PAM: variants seen among roughly 807,000 people sequenced by gnomAD.
PAM encodes the protein peptidylglycine alpha-amidating monooxygenase.
PAM carries 72 observed loss-of-function variants against 122.1 expected under a neutral mutation model. The ratio of observed to expected loss-of-function variants is 0.59; its 90% confidence interval spans 0.49 to 0.72. PAM has a LOEUF of 0.72. Among genes scored for constraint, PAM ranks in the 30% least tolerant of loss-of-function variants. The pLI is 0.00. For synonymous variants in PAM, 389 were observed against 404.4 expected (o/e 0.96, Z 0.46); for missense variants, 1,106 against 1,183.7 (o/e 0.93, Z 0.96).
intron 22 of PAM, 110 bp from the exon 23 acceptor site, chr5:103,019,680 G>C: frequency 1.4e-6 from 1 of 727,206 alleles, no homozygotes; most frequent in Non-Finnish European, 2.5e-6. Flanking sequence ...TAATGCATTT[G>C]ATGAATTAAG....
At chr5:102,785,769 T>C (rs1404103408) in intron 1 of PAM, among the ~76,000 whole-genome samples, 1 of 152,186 alleles carries the variant, frequency 6.6e-6, no homozygotes, top group East Asian at 1.9e-4. Flanking sequence ...TAGTAAGAGA[T>C]GTTTTTGTCT....
intron 1 of PAM, among the ~76,000 whole-genome samples, chr5:102,859,536 TAA>T (rs1456368729): frequency 6.6e-6 from 1 of 152,180 alleles, no homozygotes; most frequent in East Asian, 1.9e-4. Flanking sequence ...AAACAATTTT[TAA>T]AAGTTTATGA....
At chr5:102,777,457 A>T (rs1428547248) in intron 1 of PAM, among the ~76,000 whole-genome samples, 1 of 152,120 alleles carries the variant, frequency 6.6e-6, no homozygotes, top group African/African-American at 2.4e-5. Flanking sequence ...GTTTCCTGGG[A>T]CATACCAGGT....
intron 1 of PAM, among the ~76,000 whole-genome samples, chr5:102,837,982 T>C (rs1162861852): frequency 6.6e-6 from 1 of 152,188 alleles, no homozygotes; most frequent in Non-Finnish European, 1.5e-5. Flanking sequence ...TTAAACATCA[T>C]TTTAACGTAA....
chr5:102,936,927 G>A (rs897704599), intron 7 of PAM, among the ~76,000 whole-genome samples: 21 of 152,140 alleles, frequency 1.4e-4, no homozygotes, highest in African/African-American at 4.8e-4. Flanking sequence ...AGGTGTGTCA[G>A]GGCAATCTCC....
intron 1 of PAM, among the ~76,000 whole-genome samples, chr5:102,759,061 T>C (rs1751541833): frequency 6.6e-6 from 1 of 152,224 alleles, no homozygotes; most frequent in African/African-American, 2.4e-5. Context: ...TTCTTATGAC[T>C]GAAAGGTCTA....
At chr5:102,963,562 C>A (rs1763145752) in intron 14 of PAM, among the ~76,000 whole-genome samples, 1 of 151,972 alleles carries the variant, frequency 6.6e-6, no homozygotes, top group East Asian at 1.9e-4. Context: ...TACTTTTTAG[C>A]CCCAATAAGC....
At position 103,005,039 on chromosome 5, in the gene PAM, T is replaced by C. The variant is rs571875938; in HGVS notation, c.1731-115T>C. 1.2e-5 allele frequency: 8 copies of C among 647,994 alleles called. 1 individual carries two copies. The South Asian group carries it at 1.5e-4, about 12-fold the overall frequency. The allele number at this position is 647,994 out of a possible 1,614,324, so 40.1% of individuals were successfully genotyped here. Reference sequence around the variant, plus strand: ...TTGTTCTTTTCTATAATAATGCAAGTATACATTTATCAATTTATAACTTTG... The same window carrying C: ...TTGTTCTTTTCTATAATAATGCAAGCATACATTTATCAATTTATAACTTTG... On this transcript the variant is annotated intron_variant, in intron 17 of 25. Coordinates refer to ENST00000438793, the MANE Select transcript of PAM (RefSeq NM_001177306.2).
intron 1 of PAM, among the ~76,000 whole-genome samples, chr5:102,810,807 A>G (rs1341083126): frequency 1.3e-5 from 2 of 152,202 alleles, no homozygotes; most frequent in East Asian, 1.9e-4. Flanking sequence ...CAGCCTGGGC[A>G]ACAAGAGCGA....
intron 11 of PAM, 133 bp downstream of exon 11, chr5:102,950,111 G>C (rs1326742643): frequency 5.1e-6 from 3 of 582,986 alleles, no homozygotes; most frequent in Non-Finnish European, 9.2e-6. Flanking sequence ...TAACTGAGCT[G>C]TATAACCTCC....
rs541667875 is a variant in PAM at position 102,908,076 on chromosome 5, G to C, written c.269-5858G>C. Among the ~76,000 whole-genome samples the C allele has an allele frequency of 2.6e-5, 4 of 152,158 alleles. No individual in the cohort carries two copies. In the East Asian group the frequency reaches 5.8e-4, roughly 22 times the overall value. On this transcript the variant is annotated intron_variant, in intron 4 of 25. Coordinates refer to ENST00000438793, the MANE Select transcript of PAM (RefSeq NM_001177306.2). ...CCTATGTCCTGAATGATATTGCCTA[G>C]GTTTTCTTCTAGGGTTTTTATGGTT...
intron 9 of PAM, among the ~76,000 whole-genome samples, chr5:102,949,135 C>T (rs1050505318): frequency 6.6e-6 from 1 of 152,088 alleles, no homozygotes; most frequent in Non-Finnish European, 1.5e-5. Flanking sequence ...ATGAAATGGC[C>T]TCTTCTCAAC....
intron 1 of PAM, among the ~76,000 whole-genome samples, chr5:102,815,548 G>A (rs1439224783): frequency 6.6e-6 from 1 of 152,084 alleles, no homozygotes; most frequent in Non-Finnish European, 1.5e-5. Context: ...AGCTATTCCA[G>A]TATCCTGCCC....
chr5:102,806,087 G>A (rs1766147973), intron 1 of PAM, among the ~76,000 whole-genome samples: 1 of 152,124 alleles, frequency 6.6e-6, no homozygotes. Flanking sequence ...TTTACTGTTG[G>A]ACTGTTCTTT....
intron 12 of PAM, among the ~76,000 whole-genome samples, chr5:102,957,856 T>C (rs1289700858): frequency 6.6e-6 from 1 of 152,160 alleles, no homozygotes; most frequent in Non-Finnish European, 1.5e-5. Context: ...TCTCAACTCT[T>C]CTGTAAGCAT....
At chr5:102,868,452 TTTCAC>T (rs1209989653) in intron 3 of PAM, among the ~76,000 whole-genome samples, 1 of 152,174 alleles carries the variant, frequency 6.6e-6, no homozygotes, top group South Asian at 2.1e-4. Flanking sequence ...TAAAAATGAC[TTTCAC>T]TTCCTCCTCA....
chr5:102,942,669 A>C (rs1437317722), intron 7 of PAM, among the ~76,000 whole-genome samples: 1 of 150,858 alleles, frequency 6.6e-6, no homozygotes, highest in Non-Finnish European at 1.5e-5. Flanking sequence ...TGCAGCCTCG[A>C]CCTCCCAGGC....
chr5:102,767,845 C>T (rs1754556624), intron 1 of PAM, among the ~76,000 whole-genome samples: 2 of 152,016 alleles, frequency 1.3e-5, no homozygotes, highest in Admixed American at 1.3e-4. Flanking sequence ...AATAAATTTC[C>T]TCTTGGTGTA....
intron 7 of PAM, among the ~76,000 whole-genome samples, chr5:102,934,220 T>C (rs928956438): frequency 9.2e-5 from 14 of 152,172 alleles, no homozygotes; most frequent in African/African-American, 3.4e-4. Context: ...CAACTGAGTC[T>C]CTACAGTGGA....
Sources: allele counts gnomAD v4.1 joint callset (sites outside exome capture counted in the v4.1 genomes callset), GRCh38; gene constraint gnomAD v4.1.1; transcripts MANE v1.5; gene names NCBI Gene and HGNC (gene_info 2026-07-23, HGNC 2026-07-21).